Variants in ALG9 observed in about 807,000 individuals in gnomAD.
The protein encoded by ALG9 is alpha-1,2-mannosyltransferase ALG9.
In ALG9, 55 loss-of-function variants were observed where a neutral mutation model predicts 81.8. The ratio of observed to expected loss-of-function variants is 0.67; its 90% CI spans 0.54 to 0.84. The LOEUF (loss-of-function observed/expected upper bound fraction) is 0.84, where lower values mean the gene tolerates loss of function less well. ALG9 is among the 40% of genes least tolerant of loss of function. The pLI is 0.00. For missense variants in ALG9, 629 were observed against 745.0 expected (o/e 0.84, Z 1.81); for synonymous variants, 278 against 274.3 (o/e 1.01, Z -0.13).
chr11:111,819,336 T>C lies in ALG9; in HGVS notation c.1603-9563A>G, dbSNP rs1342116067. ...ACAATGACGCAAGTAGCTGTAAAAA[T>C]AGAGATCTCTGGCAAGGGCCAACAT... On this transcript the variant is annotated intron_variant, in intron 13 of 14. Coordinates refer to ENST00000616540, the MANE Select transcript of ALG9 (RefSeq NM_024740.2). Among the ~76,000 whole-genome samples, 5 of 152,150 alleles carry C rather than the reference T, an allele frequency of 3.3e-5. No individual in the cohort carries two copies. In the East Asian group the frequency reaches 9.6e-4, roughly 29 times the overall value.
intron 14 of ALG9, among the ~76,000 whole-genome samples, chr11:111,793,168 G>A (rs568828291): frequency 2.0e-5 from 3 of 152,026 alleles, no homozygotes; most frequent in South Asian, 2.1e-4. Context: ...TTTTTGCAGC[G>A]ACGGGGTCAT....
chr11:111,838,666 TA>T (rs1955725018), intron 10 of ALG9, among the ~76,000 whole-genome samples: 1 of 152,236 alleles, frequency 6.6e-6, no homozygotes, highest in Non-Finnish European at 1.5e-5. Flanking sequence ...CCTAATAAGT[TA>T]TTTTTTTTAA....
intron 3 of ALG9, among the ~76,000 whole-genome samples, 180 bp downstream of exon 3, chr11:111,868,422 C>G (rs1963190771): frequency 6.6e-6 from 1 of 152,250 alleles, no homozygotes; most frequent in South Asian, 2.1e-4. Context: ...GCACTTAATA[C>G]AGTGTCTACC....
intron 14 of ALG9, among the ~76,000 whole-genome samples, chr11:111,807,005 C>T (rs782216546): frequency 2.6e-5 from 4 of 152,146 alleles, no homozygotes; most frequent in Non-Finnish European, 5.9e-5. Flanking sequence ...GCATAACCAC[C>T]GCTCACTATC....
chr11:111,860,466 T>C, intron 5 of ALG9, 81 bp downstream of exon 5: 1 of 1,138,846 alleles, frequency 8.8e-7, no homozygotes, highest in African/African-American at 1.5e-5. Context: ...TGTGAACTAT[T>C]GGTGAACCTG....
intron 13 of ALG9, among the ~76,000 whole-genome samples, chr11:111,826,432 T>C (rs1953314869): frequency 6.6e-6 from 1 of 151,792 alleles, no homozygotes; most frequent in African/African-American, 2.4e-5. Context: ...AAGAAGCTTA[T>C]TATGAAAAAC....
chr11:111,844,840 TGA>T lies in ALG9; in HGVS notation c.896-119_896-118del, dbSNP rs1592239951. ...CTGATGATCCTATGCCTCATGGGAATGAGAGTGCACAGCCCACTCTTCCCATG... is the reference window on the plus strand; with the variant it reads ...CTGATGATCCTATGCCTCATGGGAATGAGTGCACAGCCCACTCTTCCCATG... On this transcript the variant is annotated intron_variant, in intron 8 of 14. Transcript: ENST00000616540. 2.7e-5 allele frequency: 31 copies of T among 1,159,508 alleles called. No homozygotes were observed. In the East Asian group the frequency reaches 7.5e-4, roughly 28 times the overall value. The allele number at this position is 1,159,508 out of a possible 1,614,324, so 71.8% of individuals were successfully genotyped here.
intron 14 of ALG9, 23 bp downstream of exon 14, chr11:111,809,620 C>T (rs200810185): frequency 6.2e-7 from 1 of 1,613,612 alleles, no homozygotes; most frequent in Non-Finnish European, 8.5e-7. Flanking sequence ...CCTGGAATAT[C>T]CCATAGGATT....
intron 9 of ALG9, among the ~76,000 whole-genome samples, chr11:111,843,887 T>C (rs1304464505): frequency 1.3e-5 from 2 of 152,240 alleles, no homozygotes; most frequent in Admixed American, 6.5e-5. Flanking sequence ...GGGAAATCCC[T>C]GTATGGTTCA....
intron 10 of ALG9, among the ~76,000 whole-genome samples, chr11:111,839,324 G>A (rs1181113081): frequency 2.0e-5 from 3 of 152,026 alleles, no homozygotes; most frequent in African/African-American, 4.8e-5. Context: ...GGTGGCTCAC[G>A]CCTGTAATCC....
chr11:111,808,611 C>T (rs1258047720), intron 14 of ALG9, among the ~76,000 whole-genome samples: 1 of 152,204 alleles, frequency 6.6e-6, no homozygotes, highest in Non-Finnish European at 1.5e-5. Context: ...ACACCTAGTA[C>T]CTGTGCTTAC....
chr11:111,871,356 TC>T lies in ALG9; in HGVS notation c.126del (p.Thr43ProfsTer33). ...GSREAGGAEH[R>X]TELSGNKAGQ... is the part of the protein sequence containing the mutation. ...CCTGCCGCGCCGCACACGTACTCGG[TC>T]CGGTGCTCCGCGCCGCCCGCCTCTC... On this transcript the variant is annotated frameshift_variant, in exon 1 of 15. Transcript: ENST00000616540. LOFTEE classifies it high-confidence loss of function. The T allele has an allele frequency of 6.5e-7, 1 of 1,529,630 alleles. No individual in the cohort carries two copies. The highest frequency in any genetic ancestry group is 2.0e-5 in the Admixed American group (1 of 50,746). 94.8% of individuals were successfully genotyped at this position (1,529,630 alleles called of 1,614,324 possible). A position where few individuals can be genotyped will look rare whatever the true frequency, so the allele number is the denominator to read the frequency against.
rs187745840 is a variant in ALG9 at position 111,868,542 on chromosome 11, C to T, written c.405+60G>A. On this transcript the variant is annotated intron_variant, in intron 3 of 14. Transcript: ENST00000616540. ...AATTCATTTTGTCCTTTTCTCAAAACTATACCAGAGACTCACCTCTTGATC... is the reference window on the plus strand; with the variant it reads ...AATTCATTTTGTCCTTTTCTCAAAATTATACCAGAGACTCACCTCTTGATC... 112 of 1,572,186 alleles carry T rather than the reference C, an allele frequency of 7.1e-5. No individual in the cohort carries two copies. In the East Asian group the frequency reaches 1.0e-3, roughly 14 times the overall value.
intron 3 of ALG9, 93 bp from the exon 4 acceptor site, chr11:111,865,344 C>A: frequency 1.1e-6 from 1 of 941,172 alleles, no homozygotes; most frequent in Non-Finnish European, 1.6e-6. Flanking sequence ...GTCAATAACA[C>A]TGTAAATTGG....
chr11:111,865,767 C>A (rs1190307087), intron 3 of ALG9, among the ~76,000 whole-genome samples: 1 of 152,076 alleles, frequency 6.6e-6, no homozygotes, highest in Non-Finnish European at 1.5e-5. Context: ...TGTGGAAAGA[C>A]TGGAAAGAAA....
intron 8 of ALG9, among the ~76,000 whole-genome samples, chr11:111,852,110 C>A (rs1555139106): frequency 6.6e-6 from 1 of 152,142 alleles, no homozygotes; most frequent in Non-Finnish European, 1.5e-5. Context: ...ATGGCACAGG[C>A]AAATGATGGA....
chr11:111,864,588 A>G, intron 4 of ALG9: 1 of 518,458 alleles, frequency 1.9e-6, no homozygotes, highest in Non-Finnish European at 3.5e-6. Context: ...ACGAACTTCT[A>G]GTTTCATCAG....
chr11:111,869,745 T>C (rs1180066600), intron 2 of ALG9, among the ~76,000 whole-genome samples: 1 of 152,224 alleles, frequency 6.6e-6, no homozygotes, highest in Non-Finnish European at 1.5e-5. Flanking sequence ...TCCCAACACT[T>C]TGGAAGGCGA....
At chr11:111,839,393 G>A (rs1163981102) in intron 10 of ALG9, among the ~76,000 whole-genome samples, 1 of 152,022 alleles carries the variant, frequency 6.6e-6, no homozygotes, top group African/African-American at 2.4e-5. Context: ...AGACCATCCT[G>A]GCTAACACAG....
Sources: gnomAD v4.1 joint callset for allele counts (sites outside exome capture counted in the v4.1 genomes callset) on GRCh38, gnomAD v4.1.1 for gene constraint, MANE v1.5 for transcripts, NCBI Gene and HGNC (gene_info 2026-07-23, HGNC 2026-07-21) for gene names.